POC1A: variants seen among roughly 807,000 people sequenced by gnomAD.
The protein encoded by POC1A is POC1 centriolar protein A, also known as POC1 centriolar protein homolog A.
In POC1A, 34 loss-of-function variants were observed where a neutral mutation model predicts 47.8. That is an observed-to-expected ratio of 0.71 (90% CI 0.54 to 0.95). The LOEUF (loss-of-function observed/expected upper bound fraction) is 0.95, where lower values mean the gene tolerates loss of function less well. POC1A is among the 40% of genes least tolerant of loss of function. The probability of loss-of-function intolerance (pLI) is 0.00; values close to 1 mark genes in which losing one functional copy is unlikely to be tolerated. For synonymous variants in POC1A, 177 were observed against 207.6 expected (o/e 0.85, Z 1.27); for missense variants, 466 against 528.3 (o/e 0.88, Z 1.16).
rs571723420 is a variant in POC1A, at chr3:52,079,210, C to T, written c.1126-3225G>A. Among the ~76,000 whole-genome samples, 20 of 152,356 alleles carry T rather than the reference C, an allele frequency of 1.3e-4. No individual in the cohort carries two copies. The highest frequency in any genetic ancestry group is 4.1e-4 in the African/African-American group (17 of 41,586). Reference sequence around the variant, plus strand: ...GTAAGCACATCCCCACATACCCATACGAGGGTTCAGAAAATACATGCTACC... The same window carrying T: ...GTAAGCACATCCCCACATACCCATATGAGGGTTCAGAAAATACATGCTACC... On this transcript the variant is annotated intron_variant, in intron 10 of 10. Transcript: ENST00000296484. This position sits in a 1 kb window ranked among gnomAD's most constrained non-coding sequence, Gnocchi z 4.6.
At chr3:52,127,381 C>T (rs900721396) in intron 7 of POC1A, among the ~76,000 whole-genome samples, 4 of 150,742 alleles carry the variant, frequency 2.7e-5, no homozygotes, top group Admixed American at 2.0e-4. Context: ...TTCATTTTTC[C>T]GTTACTTTGA....
rs1335022070 is a variant in POC1A at position 52,090,982 on chromosome 3, T to A, written c.1125+5587A>T. 6.6e-6 allele frequency among the ~76,000 whole-genome samples: 1 copy of A among 152,144 alleles called. No homozygotes were observed. Among genetic ancestry groups the A allele is most frequent in the Non-Finnish European group, 1.5e-5 (1 of 67,998 alleles). On this transcript the variant is annotated intron_variant, in intron 10 of 10. Transcript: ENST00000296484. The surrounding 1 kb of genome is among the most constrained non-coding windows in gnomAD (Gnocchi z 4.2). ...GGCAGCGCTTAAAATCTCCCCTTGG[T>A]GGAAAGCCAAAAAGAGGCAGAGATG... is the stretch of plus-strand genomic sequence containing the variant.
intron 9 of POC1A, among the ~76,000 whole-genome samples, chr3:52,105,456 C>T (rs1703143815): frequency 6.6e-6 from 1 of 152,202 alleles, no homozygotes; most frequent in African/African-American, 2.4e-5. Context: ...TGTCTACCTC[C>T]ATGTTTGCTA....
At chr3:52,095,242 C>A (rs893122627) in intron 10 of POC1A, among the ~76,000 whole-genome samples, 2 of 152,230 alleles carry the variant, frequency 1.3e-5, no homozygotes, top group Admixed American at 1.3e-4. Context: ...CAGGGCTTAG[C>A]AGCCTCTCAG....
chr3:52,112,161 T>G (rs569938538), intron 9 of POC1A, among the ~76,000 whole-genome samples: 1 of 152,314 alleles, frequency 6.6e-6, no homozygotes, highest in African/African-American at 2.4e-5. Flanking sequence ...TTTCTTGCTT[T>G]CCTTCTTTTT....
At chr3:52,112,510 T>G (rs1006154145) in intron 9 of POC1A, among the ~76,000 whole-genome samples, 1 of 152,050 alleles carries the variant, frequency 6.6e-6, no homozygotes, top group Non-Finnish European at 1.5e-5. Flanking sequence ...GGTGTGGTGG[T>G]GCATGCCTGT....
At chr3:52,085,672 G>A (rs772414754) in intron 10 of POC1A, among the ~76,000 whole-genome samples, 10 of 152,202 alleles carry the variant, frequency 6.6e-5, no homozygotes, top group South Asian at 2.1e-4. Context: ...TTGGTCCCAC[G>A]TGGTAAGCAC....
At chr3:52,101,873 T>TC (rs1703017160) in intron 9 of POC1A, among the ~76,000 whole-genome samples, 1 of 152,202 alleles carries the variant, frequency 6.6e-6, no homozygotes, top group African/African-American at 2.4e-5. Context: ...AGGTCTTATT[T>TC]CCCCATCATT....
At chr3:52,082,238 C>G (rs1281383052) in intron 10 of POC1A, among the ~76,000 whole-genome samples, 25 of 152,168 alleles carry the variant, frequency 1.6e-4, no homozygotes, top group Admixed American at 1.6e-3. Context: ...GGCTGGAGAG[C>G]AGAGTCCAGC....
chr3:52,120,240 T>G (rs1232086638), intron 9 of POC1A, among the ~76,000 whole-genome samples: 1 of 79,876 alleles, frequency 1.3e-5, no homozygotes, highest in African/African-American at 5.4e-5. Flanking sequence ...GTTAAAATGG[T>G]AAACTTTGTG....
chr3:52,091,295 T>A (rs112663264), intron 10 of POC1A, among the ~76,000 whole-genome samples: 1,942 of 152,284 alleles, frequency 0.013, 36 homozygotes, highest in African/African-American at 0.041. Flanking sequence ...ACCTCAGGCC[T>A]AGCAGCTCCT....
chr3:52,125,955 A>G (rs924703662), intron 7 of POC1A, among the ~76,000 whole-genome samples: 13 of 152,194 alleles, frequency 8.5e-5, no homozygotes, highest in African/African-American at 2.9e-4. Flanking sequence ...TCTTCCCCAC[A>G]TACCTAAAAT....
intron 10 of POC1A, among the ~76,000 whole-genome samples, chr3:52,082,198 G>C (rs530897142): frequency 6.6e-6 from 1 of 152,134 alleles, no homozygotes; most frequent in African/African-American, 2.4e-5. Context: ...GGGGGAGTGG[G>C]GAGGGCAGTG....
chr3:52,097,214 T>A (rs907862740), intron 9 of POC1A, among the ~76,000 whole-genome samples: 5 of 152,230 alleles, frequency 3.3e-5, no homozygotes, highest in African/African-American at 1.2e-4. Flanking sequence ...CCCAAGAAGC[T>A]GTGGCCCAGA....
chr3:52,098,551 G>A (rs1251136366), intron 9 of POC1A, among the ~76,000 whole-genome samples: 1 of 152,224 alleles, frequency 6.6e-6, no homozygotes, highest in Non-Finnish European at 1.5e-5. Flanking sequence ...TGGAGAGGTG[G>A]CCTTTACAAC....
At chr3:52,083,512 C>T (rs1702366328) in intron 10 of POC1A, among the ~76,000 whole-genome samples, 1 of 152,186 alleles carries the variant, frequency 6.6e-6, no homozygotes, top group African/African-American at 2.4e-5. Context: ...CCCAGTGTGA[C>T]CTCCCCTTCT....
chr3:52,123,189 A>G (rs2107095629), intron 8 of POC1A, among the ~76,000 whole-genome samples: 1 of 152,370 alleles, frequency 6.6e-6, no homozygotes, highest in African/African-American at 2.4e-5. Flanking sequence ...CGTCATCCCA[A>G]GGCTAACTCA....
intron 9 of POC1A, among the ~76,000 whole-genome samples, chr3:52,102,767 C>A (rs975654587): frequency 1.3e-5 from 2 of 152,052 alleles, no homozygotes; most frequent in African/African-American, 4.8e-5. Flanking sequence ...AGACCTATAC[C>A]AATGAAGAGA....
chr3:52,114,607 T>G (rs114188957), intron 9 of POC1A, among the ~76,000 whole-genome samples: 2,745 of 152,282 alleles, frequency 0.018, 41 homozygotes, highest in Non-Finnish European at 0.029. Flanking sequence ...TTAGCGTTCC[T>G]GCACTTCAAT....
Sources: gnomAD v4.1 joint callset for allele counts (sites outside exome capture counted in the v4.1 genomes callset) on GRCh38, gnomAD v4.1.1 for gene constraint, Gnocchi (gnomAD v3.1) non-coding constraint, MANE v1.5 for transcripts, NCBI Gene and HGNC (gene_info 2026-07-23, HGNC 2026-07-21) for gene names.